Variants in COL4A1 observed in about 807,000 individuals in gnomAD.
COL4A1 encodes collagen alpha-1(IV) chain.
Under a neutral mutation model 216.6 loss-of-function variants are expected in COL4A1, and 40 were observed. That is an observed-to-expected ratio of 0.18 (90% CI 0.14 to 0.24). COL4A1 has a LOEUF of 0.24. Among genes scored for constraint, COL4A1 ranks in the 10% least tolerant of loss-of-function variants. The pLI is 1.00. For synonymous variants in COL4A1, 839 were observed against 810.7 expected (o/e 1.03, Z -0.59); for missense variants, 1,628 against 2,196.8 (o/e 0.74, Z 5.18).
intron 33 of COL4A1, 64 bp downstream of exon 33, chr13:110,177,778 A>G: frequency 2.6e-6 from 4 of 1,543,486 alleles, no homozygotes; most frequent in Middle Eastern, 2.1e-4. Flanking sequence ...ACAACTTGAG[A>G]ATTTCCCAAG....
intron 1 of COL4A1, among the ~76,000 whole-genome samples, chr13:110,272,971 A>G (rs1223534974): frequency 6.6e-6 from 1 of 152,202 alleles, no homozygotes; most frequent in Admixed American, 6.5e-5. Flanking sequence ...AGCAAAGGGA[A>G]CGTTCTCCTC....
intron 1 of COL4A1, among the ~76,000 whole-genome samples, chr13:110,262,205 C>T (rs1014973579): frequency 6.6e-6 from 1 of 152,150 alleles, no homozygotes; most frequent in Non-Finnish European, 1.5e-5. Flanking sequence ...GGGGTCACTG[C>T]CTGAGTCCCA....
At chr13:110,216,714 C>T (rs1264976813) in intron 2 of COL4A1, among the ~76,000 whole-genome samples, 1 of 152,172 alleles carries the variant, frequency 6.6e-6, no homozygotes, top group Non-Finnish European at 1.5e-5. Flanking sequence ...CCACCATAGT[C>T]CCTGTTTTTT....
chr13:110,159,025 G>A (rs778595884), intron 49 of COL4A1, among the ~76,000 whole-genome samples: 4 of 152,210 alleles, frequency 2.6e-5, no homozygotes, highest in Non-Finnish European at 5.9e-5. Context: ...TTACAGGCGT[G>A]AGCCACTGTG....
At chr13:110,244,769 C>G (rs1566408309) in intron 1 of COL4A1, among the ~76,000 whole-genome samples, 2 of 152,170 alleles carry the variant, frequency 1.3e-5, no homozygotes, top group East Asian at 3.9e-4. Flanking sequence ...CAGCTCACAC[C>G]AGGCTCCCGT....
At chr13:110,273,992 C>G (rs637369) in intron 1 of COL4A1, among the ~76,000 whole-genome samples, 149,535 of 152,360 alleles carry the variant, frequency 0.98, 73,425 homozygotes, top group East Asian at 1. Flanking sequence ...TCTAGGGCCT[C>G]ATCAAATTAA....
intron 50 of COL4A1, 123 bp from the exon 51 acceptor site, chr13:110,152,629 T>A: frequency 8.6e-7 from 1 of 1,165,822 alleles, no homozygotes; most frequent in Non-Finnish European, 1.2e-6. Flanking sequence ...CAGCCTCATG[T>A]GGTCACCACA....
intron 1 of COL4A1, among the ~76,000 whole-genome samples, chr13:110,294,051 T>C (rs1010309371): frequency 6.6e-6 from 1 of 152,202 alleles, no homozygotes; most frequent in African/African-American, 2.4e-5. Flanking sequence ...CAAGTGCTCA[T>C]TGTGACCAGA....
chr13:110,291,241 C>T (rs1017521124), intron 1 of COL4A1, among the ~76,000 whole-genome samples: 3 of 152,216 alleles, frequency 2.0e-5, no homozygotes, highest in Non-Finnish European at 4.4e-5. Context: ...ATCATCTTCA[C>T]GTTTTGCACT....
At chr13:110,212,537 T>C (rs1366308035) in intron 5 of COL4A1, 37 bp downstream of exon 5, 1 of 1,614,022 alleles carries the variant, frequency 6.2e-7, no homozygotes, top group African/African-American at 1.3e-5. Context: ...TGGAAGAATA[T>C]TTCATAAAAG....
Position 110,203,444 on chromosome 13 carries a change from C to G in COL4A1, c.999+122G>C. 7.4e-6 allele frequency: 8 copies of G among 1,084,010 alleles called. No individual in the cohort carries two copies. The South Asian group carries it at 1.0e-4, about 14-fold the overall frequency. 67.1% of individuals were successfully genotyped at this position (1,084,010 alleles called of 1,614,324 possible). A position where few individuals can be genotyped will look rare whatever the true frequency, so the allele number is the denominator to read the frequency against. On this transcript the variant is annotated intron_variant, in intron 18 of 51. Transcript: ENST00000375820. ...GTGCCCTGCATCTCCTCTCCTTCCT[C>G]TCCCAGCGCTCTCACAGACCCAGGG...
In COL4A1 at chr13:110,306,964, G is replaced by A; in HGVS notation, c.64C>T (p.His22Tyr). The change falls in exon 1 of 52, where the codon CAC (histidine) becomes TAC (tyrosine). Residue 22 changes from histidine (H) to tyrosine (Y), a missense_variant. Physicochemically the swap from His to Tyr is moderately conservative, Grantham distance 83. Transcript: ENST00000375820. ...CTCACCTTCGCAGCGGCCCGGCTGT[G>A]CTCCTCGTGGAGCAGAAGGGCGGCG... ...LPAALLLHEE[H>Y]SRAAAKGGCA... is the part of the protein sequence containing the mutation. The A allele has an allele frequency of 4.1e-6, 6 of 1,475,734 alleles. No homozygotes were observed. The highest frequency in any genetic ancestry group is 5.4e-6 in the Non-Finnish European group (6 of 1,118,602). The allele number at this position is 1,475,734 out of a possible 1,614,324, so 91.4% of individuals were successfully genotyped here.
intron 10 of COL4A1, chr13:110,209,762 A>G: frequency 1.3e-6 from 1 of 768,808 alleles, no homozygotes; most frequent in Non-Finnish European, 2.4e-6. Context: ...TCAGGGTATC[A>G]GTTTATGGTA....
Position 110,197,786 on chromosome 13 carries a change from C to T in COL4A1, c.1285+681G>A, listed in dbSNP as rs114440712. On this transcript the variant is annotated intron_variant, in intron 21 of 51. Coordinates refer to ENST00000375820, the MANE Select transcript of COL4A1 (RefSeq NM_001845.6). ...AGCCTGTGAATCCTTTCTCAATCAA[C>T]CCCACAGAGGATTCGTGTTTCAGGG... Among the ~76,000 whole-genome samples the T allele has an allele frequency of 7.9e-3, 1,202 of 152,256 alleles. 14 individuals are homozygous for T. Among genetic ancestry groups the T allele is most frequent in the African/African-American group, 0.028 (1,145 of 41,542 alleles).
chr13:110,288,382 A>G (rs1883933361), intron 1 of COL4A1, among the ~76,000 whole-genome samples: 1 of 152,096 alleles, frequency 6.6e-6, no homozygotes, highest in African/African-American at 2.4e-5. Context: ...GCAAAATGTG[A>G]AAAGAGAGAC....
chr13:110,156,136 A>T (rs1876775925), intron 49 of COL4A1, among the ~76,000 whole-genome samples: 1 of 152,184 alleles, frequency 6.6e-6, no homozygotes, highest in Non-Finnish European at 1.5e-5. Context: ...GTAGAAGGGG[A>T]AAATAGGAAG....
At chr13:110,243,322 CT>C (rs572917767) in intron 1 of COL4A1, among the ~76,000 whole-genome samples, 1,682 of 146,726 alleles carry the variant, frequency 0.011, 24 homozygotes, top group African/African-American at 0.035. Context: ...TTGTAGTTCA[CT>C]TTTTTTTTTT....
intron 1 of COL4A1, among the ~76,000 whole-genome samples, chr13:110,273,113 C>A (rs1046657534): frequency 6.6e-6 from 1 of 152,198 alleles, no homozygotes; most frequent in Non-Finnish European, 1.5e-5. Context: ...TCTCAGAGAG[C>A]AAGTGCTTTC....
chr13:110,290,118 C>T (rs1884027334), intron 1 of COL4A1, among the ~76,000 whole-genome samples: 1 of 152,198 alleles, frequency 6.6e-6, no homozygotes, highest in Non-Finnish European at 1.5e-5. Context: ...GTTTCATGTT[C>T]GGTAATTTTG....
Sources: gnomAD v4.1 joint callset for allele counts (sites outside exome capture counted in the v4.1 genomes callset) on GRCh38, gnomAD v4.1.1 for gene constraint, MANE v1.5 for transcripts, NCBI Gene and HGNC (gene_info 2026-07-23, HGNC 2026-07-21) for gene names.